ALMS1: variants seen among roughly 807,000 people sequenced by gnomAD.
ALMS1 encodes the protein centrosome-associated protein ALMS1.
ALMS1 carries 271 observed loss-of-function variants against 352.2 expected under a neutral mutation model. The observed-to-expected ratio is 0.77, with a 90% confidence interval of 0.70 to 0.85. ALMS1 has a LOEUF of 0.85. Among genes scored for constraint, ALMS1 ranks in the 40% least tolerant of loss-of-function variants. The pLI is 0.00. For synonymous variants in ALMS1, 1,865 were observed against 1,761.2 expected, an observed-to-expected ratio of 1.06 and a Z score of -1.48; for missense variants, 5,445 against 4,870.7, an observed-to-expected ratio of 1.12 and a Z score of -3.51.
Position 73,559,087 on chromosome 2 carries a change from A to G in ALMS1, c.10329A>G (p.Thr3443=). Residue 3443 remains threonine, a synonymous_variant, in exon 15 of 23, where the codon ACA becomes ACG. Coordinates refer to ENST00000613296, the MANE Select transcript of ALMS1 (RefSeq NM_001378454.1). ...TQKEEIHRKK[T]VPEEAWPNNK... is the part of the protein sequence containing the mutation. ...AAGAGGAGATCCATAGGAAGAAGAC[A>G]GTTCCCGAGGAAGCCTGGCCAAACA... The G allele has an allele frequency of 1.9e-6, 3 of 1,614,054 alleles. No homozygotes were observed. Among genetic ancestry groups the G allele is most frequent in the Non-Finnish European group, 2.5e-6 (3 of 1,179,962 alleles).
intron 9 of ALMS1, among the ~76,000 whole-genome samples, chr2:73,477,494 GA>G (rs913674971): frequency 2.4e-4 from 35 of 143,860 alleles, no homozygotes; most frequent in Non-Finnish European, 3.4e-4. Flanking sequence ...GTCAATTACT[GA>G]AAAAAAAAAG....
intron 10 of ALMS1, among the ~76,000 whole-genome samples, chr2:73,497,087 A>T (rs536574675): frequency 6.6e-6 from 1 of 152,246 alleles, no homozygotes; most frequent in East Asian, 1.9e-4. Flanking sequence ...TTTTAAATGG[A>T]TCGTGTGATT....
At chr2:73,508,224 T>C (rs554170637) in intron 10 of ALMS1, among the ~76,000 whole-genome samples, 2,887 of 141,924 alleles carry the variant, frequency 0.02, 102 homozygotes, top group Admixed American at 0.08. Context: ...TTTTTTTTTT[T>C]CCGAGTCTCA....
intron 22 of ALMS1, 45 bp from the exon 23 acceptor site, chr2:73,609,523 G>A (rs375743569): frequency 1.3e-6 from 2 of 1,595,412 alleles, no homozygotes; most frequent in Non-Finnish European, 1.7e-6. Flanking sequence ...TGCCTCTGAT[G>A]GCAGTAATAT....
chr2:73,598,964 G>T (rs904269084), intron 16 of ALMS1, among the ~76,000 whole-genome samples: 1 of 152,086 alleles, frequency 6.6e-6, no homozygotes, highest in Non-Finnish European at 1.5e-5. Flanking sequence ...TAGGTCTTTG[G>T]TGTTTGTCTT....
At chr2:73,397,732 T>C (rs1670792166) in intron 1 of ALMS1, among the ~76,000 whole-genome samples, 1 of 152,110 alleles carries the variant, frequency 6.6e-6, no homozygotes. Context: ...CCTCCCAGAG[T>C]GCTGGGATTA....
chr2:73,585,641 A>G (rs998342821), intron 16 of ALMS1, among the ~76,000 whole-genome samples: 7 of 150,176 alleles, frequency 4.7e-5, no homozygotes, highest in African/African-American at 1.7e-4. Context: ...TGATCTGCCT[A>G]CCTCAGCCTC....
At chr2:73,547,159 C>T (rs751479840) in intron 12 of ALMS1, among the ~76,000 whole-genome samples, 1 of 152,066 alleles carries the variant, frequency 6.6e-6, no homozygotes, top group Non-Finnish European at 1.5e-5. Flanking sequence ...TGTAAATGTT[C>T]TGATTATGTT....
chr2:73,585,258 T>C (rs1219577106), intron 16 of ALMS1, among the ~76,000 whole-genome samples: 4 of 152,192 alleles, frequency 2.6e-5, no homozygotes, highest in African/African-American at 7.2e-5. Context: ...TGTAAAAATA[T>C]TCCCTTTTCA....
intron 12 of ALMS1, 121 bp from the exon 13 acceptor site, chr2:73,550,146 C>T (rs1674398946): frequency 2.0e-6 from 2 of 977,566 alleles, no homozygotes; most frequent in Admixed American, 4.4e-5. Flanking sequence ...AGGCATGAGC[C>T]ATCGTGCCTG....
chr2:73,454,412 C>G, intron 8 of ALMS1: 1 of 966,732 alleles, frequency 1.0e-6, no homozygotes, highest in Non-Finnish European at 1.2e-6. Flanking sequence ...AAAGCTATCA[C>G]GTTTCTCTAA....
chr2:73,551,425 C>CTTTTTTTTTTTTT (rs372741747), intron 13 of ALMS1, among the ~76,000 whole-genome samples: 2 of 73,688 alleles, frequency 2.7e-5, no homozygotes, highest in African/African-American at 6.3e-5. Context: ...GAGTTTCAAT[C>CTTTTTTTTTTTTT]TTTTTTTTTT....
At chr2:73,579,248 TG>T (rs1176778766) in intron 16 of ALMS1, among the ~76,000 whole-genome samples, 1 of 151,490 alleles carries the variant, frequency 6.6e-6, no homozygotes, top group Non-Finnish European at 1.5e-5. Context: ...TTAGTAGAGA[TG>T]GGGTTTCACC....
chr2:73,421,209 TTACTTA>T (rs2103706399), intron 3 of ALMS1, among the ~76,000 whole-genome samples: 1 of 152,180 alleles, frequency 6.6e-6, no homozygotes. Flanking sequence ...TTACTATTCC[TTACTTA>T]TACTTAAATA....
intron 5 of ALMS1, 82 bp downstream of exon 5, chr2:73,424,984 TC>T (rs1335170819): frequency 1.7e-6 from 2 of 1,197,432 alleles, no homozygotes; most frequent in East Asian, 5.0e-5. Flanking sequence ...AATTTTAGTG[TC>T]CCCTTTTCCT....
intron 14 of ALMS1, 82 bp from the exon 15 acceptor site, chr2:73,558,890 A>T (rs1674597733): frequency 7.0e-7 from 1 of 1,433,594 alleles, no homozygotes; most frequent in Non-Finnish European, 9.6e-7. Context: ...AAAGCCTTTC[A>T]CATAATACGT....
chr2:73,515,577 G>A (rs900062338), intron 10 of ALMS1, among the ~76,000 whole-genome samples: 5 of 151,898 alleles, frequency 3.3e-5, no homozygotes, highest in African/African-American at 9.7e-5. Flanking sequence ...AATAAATAAC[G>A]AAAATTAGAG....
intron 16 of ALMS1, among the ~76,000 whole-genome samples, chr2:73,579,135 C>G (rs558271753): frequency 7.0e-6 from 1 of 142,946 alleles, no homozygotes; most frequent in South Asian, 2.2e-4. Context: ...TCTAAGCTCA[C>G]TGCAACCTCC....
chr2:73,393,546 T>C (rs1353788854), intron 1 of ALMS1, among the ~76,000 whole-genome samples: 3 of 152,146 alleles, frequency 2.0e-5, no homozygotes. Context: ...TTTCTCTTCA[T>C]CCACCCCACT....
Sources: allele counts gnomAD v4.1 joint callset (sites outside exome capture counted in the v4.1 genomes callset), GRCh38; gene constraint gnomAD v4.1.1; transcripts MANE v1.5; gene names NCBI Gene and HGNC (gene_info 2026-07-23, HGNC 2026-07-21).